GNE: variants seen among roughly 807,000 people sequenced by gnomAD.
GNE encodes the protein bifunctional UDP-N-acetylglucosamine 2-epimerase/N-acetylmannosamine kinase.
A neutral mutation model predicts 61.8 loss-of-function variants in GNE; 41 were observed. The observed-to-expected ratio is 0.66, with a 90% CI of 0.52 to 0.86. GNE has a LOEUF of 0.86. Among genes scored for constraint, GNE ranks in the 40% least tolerant of loss-of-function variants. The pLI is 0.00. For synonymous variants in GNE, 264 were observed against 326.4 expected (o/e 0.81, Z 2.06); for missense variants, 608 against 909.1 (o/e 0.67, Z 4.26).
chr9:36,263,307 A>AT (rs1563958584), upstream of GNE: 1 of 225,184 alleles, frequency 4.4e-6, no homozygotes, highest in East Asian at 1.7e-4. Flanking sequence ...AGGAGCTGGG[A>AT]TTACAGACAT....
intron 1 of GNE, among the ~76,000 whole-genome samples, chr9:36,269,401 C>T (rs1830935101): frequency 6.6e-6 from 1 of 151,470 alleles, no homozygotes; most frequent in Non-Finnish European, 1.5e-5. Flanking sequence ...ATACATACTC[C>T]AGCCTGGCCT....
chr9:36,259,785 C>T (rs941337144), upstream of GNE, among the ~76,000 whole-genome samples: 3 of 152,214 alleles, frequency 2.0e-5, no homozygotes, highest in South Asian at 2.1e-4. Flanking sequence ...CTTAGCCTCC[C>T]GAGTAGCTGG....
Position 36,222,849 on chromosome 9 carries a change from C to T in GNE, c.1561G>A (p.Ala521Thr). 1 of 1,614,202 alleles carries T rather than the reference C, an allele frequency of 6.2e-7. No individual in the cohort carries two copies. Among genetic ancestry groups the T allele is most frequent in the African/African-American group, 1.3e-5 (1 of 75,050 alleles). Reference sequence around the variant, plus strand: ...CCAAATTTCCTTTCCGCCAGGGCAGCACAGTTGCCATCATTGTCTACCCAC... The same window carrying T: ...CCAAATTTCCTTTCCGCCAGGGCAGTACAGTTGCCATCATTGTCTACCCAC... ...PVWVDNDGNC[A>T]ALAERKFGQG... The change falls in exon 9 of 12, where the codon GCT becomes ACT. Residue 521 changes from alanine to threonine, a missense_variant. Ala to Thr is a moderately conservative substitution (Grantham distance 58, BLOSUM62 0). Coordinates refer to ENST00000642385, the MANE Select transcript of GNE (RefSeq NM_005476.7).
intron 1 of GNE, among the ~76,000 whole-genome samples, chr9:36,257,647 C>A (rs1329427773): frequency 4.0e-5 from 6 of 150,056 alleles, no homozygotes; most frequent in Non-Finnish European, 5.9e-5. Flanking sequence ...ACTAAAAATA[C>A]AAAAAATTAG....
rs1441936619 is a variant in GNE, at chr9:36,270,467, A to C, written c.51+6427T>G. Among the ~76,000 whole-genome samples the C allele has an allele frequency of 2.6e-5, 4 of 151,466 alleles. No homozygotes were observed. In the East Asian group the frequency reaches 5.8e-4, roughly 22 times the overall value. On this transcript the variant is annotated intron_variant, in intron 1 of 11. Transcript: ENST00000396594. ...TTAACCTGGGTGCAGTAGTGCATGCACGCCTGTAATCCCAGCTACTTGGGA... is the reference window on the plus strand; with the variant it reads ...TTAACCTGGGTGCAGTAGTGCATGCCCGCCTGTAATCCCAGCTACTTGGGA...
upstream of GNE, among the ~76,000 whole-genome samples, chr9:36,262,399 G>A (rs1189505265): frequency 6.6e-6 from 1 of 152,062 alleles, no homozygotes; most frequent in Admixed American, 6.6e-5. Context: ...AGGACCCTTA[G>A]GAGGCATTTT....
At chr9:36,241,979 T>C (rs1829646871) in intron 3 of GNE, among the ~76,000 whole-genome samples, 1 of 151,832 alleles carries the variant, frequency 6.6e-6, no homozygotes, top group African/African-American at 2.4e-5. Flanking sequence ...CTACTAAAAA[T>C]ACAAAAATTA....
chr9:36,254,684 G>C (rs1830256712), intron 1 of GNE, among the ~76,000 whole-genome samples: 1 of 152,174 alleles, frequency 6.6e-6, no homozygotes, highest in African/African-American at 2.4e-5. Flanking sequence ...GGGCGCAGTG[G>C]CTCACGCCTG....
chr9:36,258,328 C>T lies in GNE; in HGVS notation c.-50G>A. The T allele has an allele frequency of 6.1e-6, 6 of 985,376 alleles. No individual in the cohort carries two copies. Among genetic ancestry groups the T allele is most frequent in the Non-Finnish European group, 7.2e-6 (6 of 829,920 alleles). The allele number at this position is 985,376 out of a possible 1,614,324, so 61.0% of individuals were successfully genotyped here. On this transcript the variant is annotated 5_prime_UTR_variant, in exon 1 of 12. Transcript: ENST00000642385. ...CCGCCGCGCGGCTCTCACCAGACGCCGTCAGAGGCTCCCTCCCACGCCGCC... is the reference window on the plus strand; with the variant it reads ...CCGCCGCGCGGCTCTCACCAGACGCTGTCAGAGGCTCCCTCCCACGCCGCC...
At chr9:36,228,546 G>T (rs190419418) in intron 6 of GNE, among the ~76,000 whole-genome samples, 4 of 151,776 alleles carry the variant, frequency 2.6e-5, no homozygotes, top group African/African-American at 9.7e-5. Flanking sequence ...TAATCCCAGC[G>T]CTTTGGGAGG....
rs1828425866 is a variant in GNE at position 36,218,328 on chromosome 9, A to G, written c.1817-29T>C. On this transcript the variant is annotated intron_variant, in intron 10 of 11. Transcript: ENST00000642385. This position sits in a 1 kb window ranked among gnomAD's most constrained non-coding sequence, Gnocchi z 4.1. ...AACAGAGTGAGAAGGAAAAGCAGTC[A>G]CTAATGAGCTGTGGGGAGGCCAAGC... 1.3e-6 allele frequency: 2 copies of G among 1,534,996 alleles called. No homozygotes were observed. The highest frequency in any genetic ancestry group is 2.7e-5 in the African/African-American group (2 of 73,398).
chr9:36,242,010 C>T lies in GNE; in HGVS notation c.616+4021G>A, dbSNP rs576492610. ...AATTAGCCAGGTGTGGTGGTGTGCG[C>T]CTGTAGTCCCAGCTACTCAGGAGGC... On this transcript the variant is annotated intron_variant, in intron 3 of 11. Transcript: ENST00000642385. Among the ~76,000 whole-genome samples, 9 of 152,130 alleles carry T rather than the reference C, an allele frequency of 5.9e-5. No individual in the cohort carries two copies. The South Asian group carries it at 1.5e-3, about 25-fold the overall frequency.
chr9:36,217,526 C>A lies in GNE; in HGVS notation c.2008G>T (p.Val670Phe), dbSNP rs746449874. The A allele has an allele frequency of 6.2e-6, 10 of 1,614,134 alleles. No homozygotes were observed. Among genetic ancestry groups the A allele is most frequent in the South Asian group, 1.1e-5 (1 of 91,082 alleles). ...ATGTGGATATAGTGACTGGCCAGGACTCCGGAGAGGATCACAAGGGAGGGA... is the reference window on the plus strand; with the variant it reads ...ATGTGGATATAGTGACTGGCCAGGAATCCGGAGAGGATCACAAGGGAGGGA... ...MNPSLVILSG[V>F]LASHYIHIVK... The change falls in exon 12 of 12, where the codon GTC becomes TTC. Residue 670 changes from valine (V) to phenylalanine (F), a missense_variant. Val to Phe is a conservative substitution (Grantham distance 50, BLOSUM62 -1). Coordinates refer to ENST00000642385, the MANE Select transcript of GNE (RefSeq NM_005476.7).
intron 1 of GNE, among the ~76,000 whole-genome samples, chr9:36,249,986 T>C (rs1284428403): frequency 6.6e-6 from 1 of 152,062 alleles, no homozygotes; most frequent in East Asian, 1.9e-4. Flanking sequence ...GAAGGAGTGA[T>C]ATAAATCAGC....
chr9:36,233,839 C>T (rs1563938172), intron 5 of GNE, 81 bp downstream of exon 5: 2 of 1,034,436 alleles, frequency 1.9e-6, no homozygotes, highest in Non-Finnish European at 3.1e-6. Context: ...AATATATGCT[C>T]AGTACTGATA....
chr9:36,230,187 C>A (rs148333523), intron 5 of GNE, among the ~76,000 whole-genome samples: 122 of 152,334 alleles, frequency 8.0e-4, no homozygotes, highest in African/African-American at 2.8e-3. Flanking sequence ...AAGTGATCCA[C>A]CTGCCTTGGC....
At chr9:36,265,731 C>T (rs1178011161) in intron 1 of GNE, among the ~76,000 whole-genome samples, 1 of 152,056 alleles carries the variant, frequency 6.6e-6, no homozygotes, top group Non-Finnish European at 1.5e-5. Context: ...CAGGATGAAA[C>T]TGTTCTACCT....
At chr9:36,272,922 A>T (rs1372906189) in intron 1 of GNE, among the ~76,000 whole-genome samples, 23 of 147,110 alleles carry the variant, frequency 1.6e-4, no homozygotes, top group Non-Finnish European at 2.3e-4. Context: ...AAATACAAAA[A>T]AAAAAAAAAA....
chr9:36,255,420 T>C (rs1369671821), intron 1 of GNE, among the ~76,000 whole-genome samples: 1 of 152,166 alleles, frequency 6.6e-6, no homozygotes, highest in African/African-American at 2.4e-5. Context: ...TAAACCAGGC[T>C]GTTCTCGAAC....
Sources: gnomAD v4.1 joint callset for allele counts (sites outside exome capture counted in the v4.1 genomes callset) on GRCh38, gnomAD v4.1.1 for gene constraint, Gnocchi (gnomAD v3.1) non-coding constraint, MANE v1.5 for transcripts, NCBI Gene and HGNC (gene_info 2026-07-23, HGNC 2026-07-21) for gene names.